PCSK5: variants seen among roughly 807,000 people sequenced by gnomAD.
PCSK5 encodes prohormone convertase 5.
PCSK5 carries 129 observed loss-of-function variants against 233.2 expected under a neutral mutation model. The observed-to-expected ratio is 0.55, with a 90% CI of 0.48 to 0.64. PCSK5 has a LOEUF of 0.64. Among genes scored for constraint, PCSK5 ranks in the 30% least tolerant of loss-of-function variants. The pLI is 0.00. For missense variants in PCSK5, 2,076 were observed against 2,430.1 expected, an observed-to-expected ratio of 0.85 and a Z score of 3.06; for synonymous variants, 825 against 879.2, an observed-to-expected ratio of 0.94 and a Z score of 1.09.
At chr9:76,206,638 A>G (rs2131278390) in intron 20 of PCSK5, among the ~76,000 whole-genome samples, 1 of 152,344 alleles carries the variant, frequency 6.6e-6, no homozygotes, top group South Asian at 2.1e-4. Context: ...CAGAGCGCAA[A>G]CAAGGCTATT....
intron 3 of PCSK5, among the ~76,000 whole-genome samples, chr9:76,011,496 T>C (rs1165670524): frequency 6.6e-6 from 1 of 152,242 alleles, no homozygotes. Context: ...TAAAGTGGTC[T>C]TTTTAGTAGC....
At chr9:76,086,252 G>T (rs11144746) in intron 7 of PCSK5, among the ~76,000 whole-genome samples, 9,376 of 152,268 alleles carry the variant, frequency 0.062, 416 homozygotes, top group South Asian at 0.15. Context: ...GAACAGCTGT[G>T]TTGGTGCTAG....
intron 14 of PCSK5, among the ~76,000 whole-genome samples, chr9:76,177,186 G>A (rs73458375): frequency 0.018 from 2,695 of 152,082 alleles, 88 homozygotes; most frequent in African/African-American, 0.059. Flanking sequence ...CCCAGCTACT[G>A]GAGAGGCTGA....
chr9:75,972,860 A>G (rs1321014863), intron 2 of PCSK5, among the ~76,000 whole-genome samples: 1 of 152,098 alleles, frequency 6.6e-6, no homozygotes, highest in Admixed American at 6.5e-5. Context: ...GCGTTGATTA[A>G]TCTCCAGGCT....
intron 2 of PCSK5, among the ~76,000 whole-genome samples, chr9:75,942,298 G>A (rs1307504555): frequency 1.3e-5 from 2 of 152,236 alleles, no homozygotes; most frequent in Admixed American, 6.5e-5. Context: ...AAATATTTAT[G>A]TGGATCAAAG....
At chr9:76,262,873 G>A (rs1055775554) in intron 24 of PCSK5, among the ~76,000 whole-genome samples, 12 of 151,228 alleles carry the variant, frequency 7.9e-5, no homozygotes, top group Non-Finnish European at 1.2e-4. Flanking sequence ...TTCGCAACCT[G>A]CTCATCTGAC....
intron 3 of PCSK5, among the ~76,000 whole-genome samples, chr9:76,018,769 A>C (rs998917303): frequency 6.6e-6 from 1 of 152,244 alleles, no homozygotes; most frequent in Non-Finnish European, 1.5e-5. Context: ...CAATAAATGG[A>C]ATAAGGAAAA....
intron 23 of PCSK5, among the ~76,000 whole-genome samples, chr9:76,240,271 A>G (rs1016266457): frequency 1.3e-5 from 2 of 152,232 alleles, no homozygotes; most frequent in African/African-American, 4.8e-5. Context: ...GCACAGATAG[A>G]AAGAGAAAAA....
intron 1 of PCSK5, among the ~76,000 whole-genome samples, chr9:75,921,221 C>G (rs1036663712): frequency 6.6e-6 from 1 of 152,070 alleles, no homozygotes; most frequent in Non-Finnish European, 1.5e-5. Flanking sequence ...AGAAAAGTAC[C>G]GATGCCCTGG....
chr9:75,983,945 C>T (rs748551459), intron 2 of PCSK5, among the ~76,000 whole-genome samples: 5 of 152,038 alleles, frequency 3.3e-5, no homozygotes, highest in Admixed American at 2.6e-4. Flanking sequence ...TACACATACC[C>T]GTAAGGCACC....
intron 20 of PCSK5, among the ~76,000 whole-genome samples, chr9:76,198,011 C>G (rs1824768630): frequency 6.6e-6 from 1 of 152,220 alleles, no homozygotes; most frequent in African/African-American, 2.4e-5. Flanking sequence ...CTGTATAATC[C>G]TGTCTCCTCT....
intron 5 of PCSK5, among the ~76,000 whole-genome samples, chr9:76,034,086 G>T (rs1027714266): frequency 6.6e-6 from 1 of 152,082 alleles, no homozygotes; most frequent in African/African-American, 2.4e-5. Flanking sequence ...CATTGTGTAG[G>T]TTCTGGGAAG....
At chr9:76,165,606 C>T (rs7038443) in intron 12 of PCSK5, among the ~76,000 whole-genome samples, 138,490 of 152,298 alleles carry the variant, frequency 0.91, 63,153 homozygotes, top group East Asian at 1. Context: ...GGCACCATTT[C>T]AATAACTGGA....
intron 7 of PCSK5, among the ~76,000 whole-genome samples, chr9:76,078,727 G>A (rs2131615564): frequency 6.6e-6 from 1 of 152,212 alleles, no homozygotes; most frequent in African/African-American, 2.4e-5. Context: ...GTTACTGTAG[G>A]CTTTTAGTAT....
In PCSK5 at chr9:76,191,089, C is replaced by T. The variant is rs966896378; in HGVS notation, c.2626+1343C>T. On this transcript the variant is annotated intron_variant, in intron 20 of 37. Transcript: ENST00000674117. ...ACTCTTGAAATAACTTACGCTGAAGCGACCTAAAATTTACTCCTAAATTTA... is the reference window on the plus strand; with the variant it reads ...ACTCTTGAAATAACTTACGCTGAAGTGACCTAAAATTTACTCCTAAATTTA... Among the ~76,000 whole-genome samples, 55 of 18,170 alleles carry T rather than the reference C, an allele frequency of 3.0e-3. 1 individual carries two copies. Among genetic ancestry groups the T allele is most frequent in the Admixed American group, 1.1e-3 (2 of 1,870 alleles). The allele number at this position is 18,170 out of a possible 152,430, so 11.9% of individuals were successfully genotyped here.
chr9:76,254,659 A>T (rs978075605), intron 24 of PCSK5, among the ~76,000 whole-genome samples: 1 of 152,184 alleles, frequency 6.6e-6, no homozygotes, highest in Non-Finnish European at 1.5e-5. Flanking sequence ...GACAATAGCA[A>T]GTGCTGCTGT....
chr9:76,109,056 C>T (rs1008894873), intron 9 of PCSK5, among the ~76,000 whole-genome samples: 1 of 152,148 alleles, frequency 6.6e-6, no homozygotes, highest in African/African-American at 2.4e-5. Flanking sequence ...TCATTTTCAA[C>T]AAATTACATC....
chr9:76,227,464 A>G (rs1390141), intron 20 of PCSK5, 39 bp from the exon 21 acceptor site: 631,448 of 1,419,606 alleles, frequency 0.44, 144,132 homozygotes, highest in Middle Eastern at 0.53. Flanking sequence ...CAGGCTTGCC[A>G]TGTAGAAATG....
intron 5 of PCSK5, among the ~76,000 whole-genome samples, chr9:76,043,213 C>T (rs928131708): frequency 4.6e-5 from 7 of 151,194 alleles, no homozygotes; most frequent in Admixed American, 4.0e-4. Flanking sequence ...GGCGTGGTGG[C>T]GGGCGCCTGT....
Sources: gnomAD v4.1 joint callset for allele counts (sites outside exome capture counted in the v4.1 genomes callset) on GRCh38, gnomAD v4.1.1 for gene constraint, MANE v1.5 for transcripts, NCBI Gene and HGNC (gene_info 2026-07-23, HGNC 2026-07-21) for gene names.